Variants in C12orf42 observed in about 807,000 individuals in gnomAD.
The protein encoded by C12orf42 is chromosome 12 open reading frame 42.
In C12orf42, 25 loss-of-function variants were observed where a neutral mutation model predicts 21.6. The ratio of observed to expected loss-of-function variants is 1.16; its 90% CI spans 0.84 to 1.62. The LOEUF is 1.62. C12orf42 is among the 40% of genes most tolerant of loss of function. The pLI, the probability that C12orf42 is intolerant of heterozygous loss-of-function variation, is 0.00. For synonymous variants in C12orf42, 174 were observed against 175.0 expected (o/e 0.99, Z 0.05); for missense variants, 483 against 459.3 (o/e 1.05, Z -0.47).
At chr12:103,498,861 G>A (rs749102255), upstream of C12orf42, among the ~76,000 whole-genome samples, 2 of 150,540 alleles carry the variant, frequency 1.3e-5, no homozygotes, top group Admixed American at 6.6e-5. Flanking sequence ...ATATGCACTG[G>A]GGCCTGTTGG....
intron 3 of C12orf42, among the ~76,000 whole-genome samples, chr12:103,394,354 C>T (rs1398921372): frequency 6.6e-6 from 1 of 152,202 alleles, no homozygotes; most frequent in Admixed American, 6.5e-5. Context: ...TTCTAGGCCA[C>T]AGGTTGTCTG....
chr12:103,495,714 CG>C (rs1470158645), intron 1 of C12orf42, 187 bp downstream of exon 1: 1 of 152,020 alleles, frequency 6.6e-6, no homozygotes, highest in Non-Finnish European at 1.5e-5. Context: ...TGCCCCGAGA[CG>C]GGTCGACCCG....
At chr12:103,501,280 G>C in the C12orf42 span, among the ~76,000 whole-genome samples, 1 of 152,022 alleles carries the variant, frequency 6.6e-6, no homozygotes, top group Non-Finnish European at 1.5e-5. Context: ...CACTGGGAGT[G>C]TCAAAAAAAG....
the C12orf42 span, among the ~76,000 whole-genome samples, chr12:103,207,449 CGTGCGCGCGCACAGAT>C: frequency 2.6e-5 from 4 of 152,326 alleles, no homozygotes; most frequent in African/African-American, 9.6e-5. Context: ...TGCGCACACA[CGTGCGCGCGCACAGAT>C]GTGCTCACAT....
the C12orf42 span, among the ~76,000 whole-genome samples, chr12:103,524,966 G>GT: frequency 1.3e-5 from 2 of 151,068 alleles, no homozygotes; most frequent in African/African-American, 2.4e-5. Flanking sequence ...TTTTTTTGGG[G>GT]GGGGGGCAGG....
At chr12:103,495,722 C>T in intron 1 of C12orf42, 180 bp downstream of exon 1, 1 of 149,990 alleles carries the variant, frequency 6.7e-6, no homozygotes, top group Non-Finnish European at 1.5e-5. Flanking sequence ...GACGGGTCGA[C>T]CCGCTCGGGG....
chr12:103,380,476 G>A (rs1410147364), intron 3 of C12orf42, among the ~76,000 whole-genome samples: 1 of 152,132 alleles, frequency 6.6e-6, no homozygotes, highest in African/African-American at 2.4e-5. Context: ...TACAAGTAAT[G>A]TCGGTAAGTA....
chr12:103,558,281 A>G, the C12orf42 span: 1 of 152,240 alleles, frequency 6.6e-6, no homozygotes, highest in Non-Finnish European at 1.5e-5. Flanking sequence ...TTCCTTCATT[A>G]AAACCTAGCT....
the C12orf42 span, among the ~76,000 whole-genome samples, chr12:103,108,725 G>A: frequency 1.3e-5 from 2 of 152,088 alleles, no homozygotes; most frequent in Non-Finnish European, 2.9e-5. Flanking sequence ...ATTCAACATT[G>A]TATGGAAGGT....
chr12:103,144,778 C>T, the C12orf42 span, among the ~76,000 whole-genome samples: 1 of 152,094 alleles, frequency 6.6e-6, no homozygotes, highest in Non-Finnish European at 1.5e-5. Context: ...CCACGGAAAA[C>T]GACTTGGGCA....
the C12orf42 span, among the ~76,000 whole-genome samples, chr12:103,073,478 G>A: frequency 6.6e-6 from 1 of 152,140 alleles, no homozygotes; most frequent in South Asian, 2.1e-4. Flanking sequence ...TTAAAATTAA[G>A]TGTGAGAGCT....
At chr12:103,305,927 T>C in intron 5 of C12orf42, 47 bp downstream of exon 5, 1 of 1,548,264 alleles carries the variant, frequency 6.5e-7, no homozygotes, top group Non-Finnish European at 8.7e-7. Context: ...AAACAAAATG[T>C]GACCAGTTGA....
chr12:103,212,428 T>C, the C12orf42 span, among the ~76,000 whole-genome samples: 1 of 152,228 alleles, frequency 6.6e-6, no homozygotes, highest in Non-Finnish European at 1.5e-5. Flanking sequence ...TGTTCTTTAG[T>C]GTCTCAAATA....
intron 4 of C12orf42, among the ~76,000 whole-genome samples, chr12:103,330,039 C>T (rs566347680): frequency 1.3e-5 from 2 of 152,090 alleles, no homozygotes; most frequent in African/African-American, 2.4e-5. Flanking sequence ...GTTGTGGGAC[C>T]TCCTTTGCTC....
chr12:103,231,257 C>T, the C12orf42 span, among the ~76,000 whole-genome samples: 1 of 152,172 alleles, frequency 6.6e-6, no homozygotes, highest in Admixed American at 6.5e-5. Context: ...TATCAGTATC[C>T]CCCACCAGAG....
chr12:103,176,826 A>T, the C12orf42 span, among the ~76,000 whole-genome samples: 495 of 152,302 alleles, frequency 3.3e-3, 1 homozygote, highest in African/African-American at 0.011. Context: ...TGCCAATAAG[A>T]CACCACGACC....
At chr12:103,372,928 C>T (rs2045388254) in intron 3 of C12orf42, among the ~76,000 whole-genome samples, 1 of 152,126 alleles carries the variant, frequency 6.6e-6, no homozygotes, top group African/African-American at 2.4e-5. Context: ...CAAACTGCAC[C>T]TTTCATCAAG....
chr12:103,152,778 A>C, the C12orf42 span, among the ~76,000 whole-genome samples: 8 of 146,930 alleles, frequency 5.4e-5, no homozygotes. Flanking sequence ...ATGAAAAAGC[A>C]GACACATGTG....
At chr12:103,311,847 G>A (rs2038999723) in intron 4 of C12orf42, among the ~76,000 whole-genome samples, 1 of 152,142 alleles carries the variant, frequency 6.6e-6, no homozygotes, top group Non-Finnish European at 1.5e-5. Context: ...TCTGTTCACG[G>A]TAAATCCTTC....
Sources: gnomAD v4.1 joint callset for allele counts (sites outside exome capture counted in the v4.1 genomes callset) on GRCh38, gnomAD v4.1.1 for gene constraint, MANE v1.5 for transcripts, NCBI Gene and HGNC (gene_info 2026-07-23, HGNC 2026-07-21) for gene names.